The following LIN28B variants were observed in gnomAD, a reference collection of about 807,000 sequenced individuals.
The protein encoded by LIN28B is protein lin-28 homolog B.
Under a neutral mutation model 21.9 loss-of-function variants are expected in LIN28B, and 5 were observed. The observed-to-expected ratio is 0.23, with a 90% CI of 0.12 to 0.48. The LOEUF (loss-of-function observed/expected upper bound fraction) is 0.48, where lower values mean the gene tolerates loss of function less well. LIN28B is among the 20% of genes least tolerant of loss of function. The pLI, the probability that LIN28B is intolerant of heterozygous loss-of-function variation, is 0.98. For synonymous variants in LIN28B, 109 were observed against 111.3 expected (o/e 0.98, Z 0.13); for missense variants, 245 against 310.5 (o/e 0.79, Z 1.58).
chr6:105,026,868 A>G (rs191932003), intron 3 of LIN28B, among the ~76,000 whole-genome samples: 36 of 152,302 alleles, frequency 2.4e-4, no homozygotes, highest in African/African-American at 8.7e-4. Flanking sequence ...TCACGTATAG[A>G]AAGTCCAAAT....
intron 2 of LIN28B, among the ~76,000 whole-genome samples, chr6:104,958,497 T>G (rs1256780942): frequency 6.6e-6 from 1 of 152,162 alleles, no homozygotes; most frequent in African/African-American, 2.4e-5. Context: ...ATTTGAAATT[T>G]CACTATATAT....
intron 2 of LIN28B, among the ~76,000 whole-genome samples, chr6:104,944,446 A>C (rs1277058517): frequency 6.6e-6 from 1 of 152,184 alleles, no homozygotes; most frequent in Non-Finnish European, 1.5e-5. Context: ...TGGCACTATC[A>C]AAACCAACAT....
At chr6:104,986,655 A>C (rs1373155595) in intron 2 of LIN28B, among the ~76,000 whole-genome samples, 4 of 152,158 alleles carry the variant, frequency 2.6e-5, no homozygotes. Context: ...GCTAGTCGTA[A>C]GAATTGGTCA....
chr6:105,075,121 A>G (rs1772400633), intron 3 of LIN28B, among the ~76,000 whole-genome samples: 1 of 152,234 alleles, frequency 6.6e-6, no homozygotes, highest in South Asian at 2.1e-4. Context: ...ATGGGAATAT[A>G]TAATAAAGTA....
chr6:105,012,799 G>A (rs1198837630), intron 2 of LIN28B, among the ~76,000 whole-genome samples: 2 of 152,148 alleles, frequency 1.3e-5, no homozygotes, highest in Non-Finnish European at 2.9e-5. Context: ...GTCTTTGTGT[G>A]AACATGTGTT....
At chr6:104,974,380 T>C (rs1204120946) in intron 2 of LIN28B, among the ~76,000 whole-genome samples, 1 of 151,638 alleles carries the variant, frequency 6.6e-6, no homozygotes, top group Non-Finnish European at 1.5e-5. Context: ...TCCCTGCTAC[T>C]TGGGAGGCTG....
At chr6:104,938,654 A>T (rs1328683189) in intron 2 of LIN28B, among the ~76,000 whole-genome samples, 1 of 142,248 alleles carries the variant, frequency 7.0e-6, no homozygotes, top group Non-Finnish European at 1.5e-5. Flanking sequence ...AAAAAAAAAA[A>T]CCTGAAAAGA....
intron 2 of LIN28B, among the ~76,000 whole-genome samples, chr6:104,949,139 G>C (rs370392184): frequency 1.3e-5 from 2 of 152,108 alleles, no homozygotes; most frequent in East Asian, 3.9e-4. Context: ...TTAAGAATAG[G>C]CTGTGGACTA....
intron 3 of LIN28B, among the ~76,000 whole-genome samples, chr6:105,074,391 G>A (rs1046841486): frequency 6.6e-6 from 1 of 152,040 alleles, no homozygotes; most frequent in Non-Finnish European, 1.5e-5. Context: ...GCAGAGACAG[G>A]GTTTCACCAT....
intron 2 of LIN28B, among the ~76,000 whole-genome samples, chr6:104,945,957 T>C (rs1778151958): frequency 6.6e-6 from 1 of 152,076 alleles, no homozygotes; most frequent in Non-Finnish European, 1.5e-5. Flanking sequence ...CCATATCTTA[T>C]ATGAAACAAA....
At chr6:104,998,822 G>A (rs531762253) in intron 2 of LIN28B, among the ~76,000 whole-genome samples, 28 of 152,116 alleles carry the variant, frequency 1.8e-4, no homozygotes, top group African/African-American at 6.3e-4. Flanking sequence ...ATGTATGTAC[G>A]GTAAACCAGG....
At chr6:104,971,649 G>A (rs1159070744) in intron 2 of LIN28B, among the ~76,000 whole-genome samples, 2 of 152,098 alleles carry the variant, frequency 1.3e-5, no homozygotes, top group Non-Finnish European at 2.9e-5. Context: ...TCTAATTAAT[G>A]TATTGGCCCA....
intron 2 of LIN28B, among the ~76,000 whole-genome samples, chr6:105,016,914 CAAAA>C (rs796927741): frequency 1.4e-5 from 2 of 143,562 alleles, no homozygotes; most frequent in Non-Finnish European, 3.1e-5. Context: ...AACAAAAAAA[CAAAA>C]AAAAAACAGC....
intron 2 of LIN28B, among the ~76,000 whole-genome samples, chr6:104,969,910 A>C (rs1033739235): frequency 2.0e-5 from 3 of 152,338 alleles, no homozygotes; most frequent in East Asian, 3.9e-4. Context: ...AGGTTTAAAC[A>C]AACACAAAAC....
intron 2 of LIN28B, among the ~76,000 whole-genome samples, chr6:104,994,407 A>G (rs1465709403): frequency 2.0e-5 from 3 of 152,254 alleles, no homozygotes; most frequent in African/African-American, 7.2e-5. Flanking sequence ...TAACTTATCC[A>G]TTCAATTTTG....
chr6:105,079,767 T>TC lies in LIN28B; in HGVS notation c.*986dup, dbSNP rs1772505885. 6.6e-6 allele frequency: 1 copy of TC among 152,146 alleles called. No homozygotes were observed. The allele number at this position is 152,146 out of a possible 1,614,324, so 9.4% of individuals were successfully genotyped here. On this transcript the variant is annotated 3_prime_UTR_variant, in exon 4 of 4. Coordinates refer to ENST00000345080, the MANE Select transcript of LIN28B (RefSeq NM_001004317.4). ...TTTACTACTGAAGACCTTAGAGAACTCCAATTGTTTGGCATATATTTTTGG... is the reference window on the plus strand; with the variant it reads ...TTTACTACTGAAGACCTTAGAGAACTCCCAATTGTTTGGCATATATTTTTGG...
At chr6:104,989,283 A>C (rs772559758) in intron 2 of LIN28B, among the ~76,000 whole-genome samples, 65 of 152,144 alleles carry the variant, frequency 4.3e-4, no homozygotes, top group Non-Finnish European at 6.5e-4. Flanking sequence ...GCAGTGATGC[A>C]ATCTCGGCTT....
intron 3 of LIN28B, among the ~76,000 whole-genome samples, chr6:105,044,390 ATAT>A (rs919306559): frequency 2.6e-5 from 4 of 152,058 alleles, no homozygotes; most frequent in Admixed American, 2.0e-4. Context: ...CTGTTCTGAG[ATAT>A]TATTATAGCT....
At chr6:104,989,179 TTGAG>T (rs1239171471) in intron 2 of LIN28B, among the ~76,000 whole-genome samples, 6 of 152,206 alleles carry the variant, frequency 3.9e-5, no homozygotes, top group South Asian at 2.1e-4. Context: ...ATTTCTGCTC[TTGAG>T]TATTTCCTTC....
Sources: gnomAD v4.1 joint callset for allele counts (sites outside exome capture counted in the v4.1 genomes callset) on GRCh38, gnomAD v4.1.1 for gene constraint, MANE v1.5 for transcripts, NCBI Gene and HGNC (gene_info 2026-07-23, HGNC 2026-07-21) for gene names.